The following METAP1 variants were observed in gnomAD, a reference collection of about 807,000 sequenced individuals.
METAP1 encodes methionyl aminopeptidase 1.
Under a neutral mutation model 53.8 loss-of-function variants are expected in METAP1, and 28 were observed. The ratio of observed to expected loss-of-function variants is 0.52; its 90% confidence interval spans 0.39 to 0.71. METAP1 has a LOEUF of 0.71. Among genes scored for constraint, METAP1 ranks in the 30% least tolerant of loss-of-function variants. The pLI is 0.00. For missense variants in METAP1, 389 were observed against 479.8 expected (o/e 0.81, Z 1.77); for synonymous variants, 181 against 165.7 (o/e 1.09, Z -0.71).
intron 1 of METAP1, among the ~76,000 whole-genome samples, chr4:99,023,986 C>T (rs1277180774): frequency 6.6e-6 from 1 of 152,186 alleles, no homozygotes; most frequent in East Asian, 1.9e-4. Flanking sequence ...TTGTCTTATG[C>T]CCAATTTCTG....
intron 1 of METAP1, chr4:99,023,476 C>G: frequency 2.0e-6 from 2 of 984,978 alleles, no homozygotes; most frequent in South Asian, 4.7e-5. Flanking sequence ...ACTCAGCATT[C>G]TTTCTAACAT....
In METAP1 at chr4:99,022,515, T is replaced by G. The variant is rs1018435420; in HGVS notation, c.115-6352T>G. The G allele has an allele frequency of 7.9e-6, 5 of 633,662 alleles. No homozygotes were observed. In the Admixed American group the frequency reaches 1.2e-4, roughly 15 times the overall value. 39.3% of individuals were successfully genotyped at this position (633,662 alleles called of 1,614,324 possible). A position where few individuals can be genotyped will look rare whatever the true frequency, so the allele number is the denominator to read the frequency against. On this transcript the variant is annotated intron_variant, in intron 1 of 10. Transcript: ENST00000296411. ...GTTGGGCAAATGTCCAGGAGCCATC[T>G]GGGTGAGCAAGATCCCCATCAACAG...
intron 1 of METAP1, among the ~76,000 whole-genome samples, chr4:99,012,359 C>T (rs1354626196): frequency 1.3e-5 from 2 of 150,632 alleles, no homozygotes; most frequent in Non-Finnish European, 2.9e-5. Context: ...CAACCTTTGC[C>T]TCCTGGATTC....
intron 1 of METAP1, among the ~76,000 whole-genome samples, chr4:98,998,102 A>G (rs1041251412): frequency 6.6e-6 from 1 of 152,220 alleles, no homozygotes; most frequent in African/African-American, 2.4e-5. Context: ...GCCAAAGGCT[A>G]TGTTTACATT....
At chr4:99,004,659 A>C (rs985667740) in intron 1 of METAP1, among the ~76,000 whole-genome samples, 3 of 152,142 alleles carry the variant, frequency 2.0e-5, no homozygotes, top group Non-Finnish European at 4.4e-5. Context: ...CTCATCCAAG[A>C]GGTATTCCAT....
intron 8 of METAP1, among the ~76,000 whole-genome samples, chr4:99,046,547 C>T (rs1308402355): frequency 5.9e-5 from 9 of 152,132 alleles, no homozygotes; most frequent in Non-Finnish European, 1.0e-4. Flanking sequence ...CAATCCTCCC[C>T]AGTCTCTCCA....
At chr4:99,045,776 T>G (rs2110386069) in intron 8 of METAP1, among the ~76,000 whole-genome samples, 1 of 152,326 alleles carries the variant, frequency 6.6e-6, no homozygotes, top group African/African-American at 2.4e-5. Context: ...TCCTGTGCAT[T>G]AATGCACACA....
chr4:99,059,878 C>T (rs1727416318), intron 10 of METAP1, among the ~76,000 whole-genome samples: 1 of 152,162 alleles, frequency 6.6e-6, no homozygotes, highest in Non-Finnish European at 1.5e-5. Flanking sequence ...TCTTTTGCCC[C>T]TCTTTCTGAT....
At chr4:99,011,414 A>C (rs1171502144) in intron 1 of METAP1, among the ~76,000 whole-genome samples, 1 of 152,192 alleles carries the variant, frequency 6.6e-6, no homozygotes, top group Non-Finnish European at 1.5e-5. Context: ...AATTGAGATG[A>C]TTATGTGATT....
chr4:99,015,025 C>T (rs914604676), intron 1 of METAP1, among the ~76,000 whole-genome samples: 21 of 152,318 alleles, frequency 1.4e-4, no homozygotes, highest in African/African-American at 4.3e-4. Context: ...TCATTCCAGG[C>T]TGTAGAATCT....
chr4:99,006,382 G>T (rs1289759297), intron 1 of METAP1, among the ~76,000 whole-genome samples: 3 of 152,150 alleles, frequency 2.0e-5, no homozygotes, highest in African/African-American at 7.2e-5. Context: ...GTTTAAAGAA[G>T]AATATAGTAT....
In METAP1 at chr4:99,045,321, G is replaced by A. The variant is rs1432797486; in HGVS notation, c.787+11G>A. 1.2e-6 allele frequency: 2 copies of A among 1,613,196 alleles called. No individual in the cohort carries two copies. Among genetic ancestry groups the A allele is most frequent in the Non-Finnish European group, 1.7e-6 (2 of 1,179,476 alleles). ...AAGCCATTGATGCAGGTCAGCCTCA[G>A]TGTTGAGCACCTATTGGCAGTCCTG... On this transcript the variant is annotated intron_variant, in intron 8 of 10. Coordinates refer to ENST00000296411, the MANE Select transcript of METAP1 (RefSeq NM_015143.3).
intron 1 of METAP1, among the ~76,000 whole-genome samples, chr4:99,017,092 A>G (rs941291954): frequency 3.9e-5 from 6 of 152,226 alleles, no homozygotes; most frequent in African/African-American, 1.4e-4. Flanking sequence ...CTGATCTGCA[A>G]GATTATTACC....
At chr4:99,004,334 G>A (rs1339097189) in intron 1 of METAP1, among the ~76,000 whole-genome samples, 2 of 152,128 alleles carry the variant, frequency 1.3e-5, no homozygotes, top group African/African-American at 4.8e-5. Context: ...GTGAAAGGAA[G>A]AGAGCAGGAG....
chr4:99,019,329 G>C (rs966757049), intron 1 of METAP1, among the ~76,000 whole-genome samples: 1 of 152,166 alleles, frequency 6.6e-6, no homozygotes, highest in Non-Finnish European at 1.5e-5. Context: ...AGGTGGAAAA[G>C]AAAGAGCCCC....
At chr4:99,034,571 G>A (rs2110346472) in intron 3 of METAP1, among the ~76,000 whole-genome samples, 1 of 152,284 alleles carries the variant, frequency 6.6e-6, no homozygotes, top group South Asian at 2.1e-4. Flanking sequence ...TTAAAAAGAA[G>A]TGTAGGGTAA....
intron 4 of METAP1, 97 bp from the exon 5 acceptor site, chr4:99,039,277 T>G: frequency 6.0e-6 from 4 of 671,398 alleles, no homozygotes; most frequent in Non-Finnish European, 1.0e-5. Context: ...TGTGAAACAG[T>G]GAGACTACTG....
intron 3 of METAP1, 85 bp downstream of exon 3, chr4:99,034,427 C>A: frequency 1.3e-6 from 1 of 782,272 alleles, no homozygotes; most frequent in Non-Finnish European, 2.2e-6. Flanking sequence ...AGTAGTGAAT[C>A]ATATAATCAG....
chr4:99,043,364 T>G lies in METAP1; in HGVS notation c.632T>G (p.Leu211Ter). The change falls in exon 7 of 11, where the codon TTA becomes TGA. Residue 211 changes from leucine to a stop codon, truncating the protein, a stop_gained. Coordinates refer to ENST00000296411, the MANE Select transcript of METAP1 (RefSeq NM_015143.3). LOFTEE classifies it high-confidence loss of function. Reference sequence around the variant, plus strand: ...CATGGAATACCAGACAGAAGGCCCTTACAAGAAGGTGACATTGTTAATGGT... The same window carrying G: ...CATGGAATACCAGACAGAAGGCCCTGACAAGAAGGTGACATTGTTAATGGT... The part of the protein sequence containing the change: ...ICHGIPDRRP[L>*]QEGDIVNVDI... The G allele has an allele frequency of 6.2e-7, 1 of 1,601,682 alleles. No individual in the cohort carries two copies. Among genetic ancestry groups the G allele is most frequent in the East Asian group, 2.2e-5 (1 of 44,462 alleles).
Sources: allele counts gnomAD v4.1 joint callset (sites outside exome capture counted in the v4.1 genomes callset), GRCh38; gene constraint gnomAD v4.1.1; transcripts MANE v1.5; gene names NCBI Gene and HGNC (gene_info 2026-07-23, HGNC 2026-07-21).